FOXP1: variants seen among roughly 807,000 people sequenced by gnomAD.
The protein encoded by FOXP1 is forkhead box P1.
FOXP1 carries 15 observed loss-of-function variants against 98.2 expected under a neutral mutation model. That is an observed-to-expected ratio of 0.15 (90% CI 0.10 to 0.24). The LOEUF is 0.24. Among genes scored for constraint, FOXP1 ranks in the 10% least tolerant of loss-of-function variants. The pLI, the probability that FOXP1 is intolerant of heterozygous loss-of-function variation, is 1.00. For missense variants in FOXP1, 633 were observed against 848.5 expected (o/e 0.75, Z 3.15); for synonymous variants, 371 against 314.5 (o/e 1.18, Z -1.90).
chr3:71,101,105 C>T (rs544838577), intron 7 of FOXP1, among the ~76,000 whole-genome samples: 16 of 152,164 alleles, frequency 1.1e-4, no homozygotes, highest in East Asian at 1.9e-4. Context: ...GAAAAAGGAA[C>T]GGACAGAAAA....
intron 5 of FOXP1, among the ~76,000 whole-genome samples, chr3:71,260,323 G>A (rs1043400259): frequency 6.6e-6 from 1 of 152,126 alleles, no homozygotes; most frequent in Non-Finnish European, 1.5e-5. Context: ...GGCGCGGGGG[G>A]AGAAATGCAG....
At chr3:71,282,291 G>C (rs1030803620) in intron 5 of FOXP1, among the ~76,000 whole-genome samples, 2 of 151,458 alleles carry the variant, frequency 1.3e-5, no homozygotes, top group African/African-American at 4.9e-5. Flanking sequence ...TTCTATTTTG[G>C]GCCAAAAGAC....
chr3:71,053,488 G>A, intron 8 of FOXP1, 148 bp downstream of exon 8: 1 of 870,836 alleles, frequency 1.1e-6, no homozygotes. Flanking sequence ...CGATTATTCA[G>A]GGAGTGGTCT....
intron 6 of FOXP1, among the ~76,000 whole-genome samples, chr3:71,177,536 G>A (rs148589974): frequency 6.6e-6 from 1 of 152,320 alleles, no homozygotes; most frequent in Non-Finnish European, 1.5e-5. Flanking sequence ...AGATGCTTGA[G>A]AGCTCTGATG....
At chr3:71,548,672 T>C (rs879257092) in intron 2 of FOXP1, among the ~76,000 whole-genome samples, 5 of 152,198 alleles carry the variant, frequency 3.3e-5, no homozygotes, top group Non-Finnish European at 7.3e-5. Flanking sequence ...GTGCTGAGAT[T>C]ACAGGTGTGA....
intron 4 of FOXP1, among the ~76,000 whole-genome samples, chr3:71,350,670 A>G (rs1019067454): frequency 6.6e-6 from 1 of 152,238 alleles, no homozygotes; most frequent in Admixed American, 6.5e-5. Flanking sequence ...AGCATTAGGC[A>G]GACAACTTTC....
At chr3:71,252,299 C>T (rs1045583902) in intron 5 of FOXP1, among the ~76,000 whole-genome samples, 13 of 152,144 alleles carry the variant, frequency 8.5e-5, no homozygotes, top group African/African-American at 3.1e-4. Context: ...GATGCCAAAC[C>T]AATCCTGGCA....
At chr3:71,106,017 G>A (rs2107697898) in intron 7 of FOXP1, among the ~76,000 whole-genome samples, 1 of 152,218 alleles carries the variant, frequency 6.6e-6, no homozygotes, top group South Asian at 2.1e-4. Context: ...CCTCTTGACG[G>A]CACACTGGTT....
intron 4 of FOXP1, among the ~76,000 whole-genome samples, chr3:71,348,669 G>A (rs2077571816): frequency 6.6e-6 from 1 of 151,884 alleles, no homozygotes; most frequent in African/African-American, 2.4e-5. Flanking sequence ...GTCGAGCAGA[G>A]GAGGGAGTAA....
intron 4 of FOXP1, among the ~76,000 whole-genome samples, chr3:71,336,220 A>T (rs1267334414): frequency 2.6e-5 from 4 of 151,680 alleles, no homozygotes; most frequent in African/African-American, 9.7e-5. Context: ...ATCTACTAAC[A>T]TGTTTAAATT....
rs567619206 is a variant in FOXP1 at position 71,135,154 on chromosome 3, G to C, written c.181-22517C>G. ...CGTGCCTGTTGTCCCAGCTGCTCGG[G>C]AGGCTAAGGCAGGAGAATTGCTTGA... On this transcript the variant is annotated intron_variant, in intron 6 of 20. Transcript: ENST00000649528. Among the ~76,000 whole-genome samples the C allele has an allele frequency of 4.7e-4, 71 of 151,040 alleles. No homozygotes were observed. The East Asian group carries it at 7.4e-3, about 16-fold the overall frequency.
chr3:71,293,370 G>A (rs985215918), intron 5 of FOXP1, among the ~76,000 whole-genome samples: 25 of 152,012 alleles, frequency 1.6e-4, no homozygotes, highest in African/African-American at 6.0e-4. Flanking sequence ...AGGAGGCTGA[G>A]GCAGGAAGAT....
intron 14 of FOXP1, among the ~76,000 whole-genome samples, chr3:70,980,853 A>G (rs565334862): frequency 6.6e-6 from 1 of 152,306 alleles, no homozygotes; most frequent in African/African-American, 2.4e-5. Context: ...AGTAACCACA[A>G]AGCAGTTCTG....
At chr3:71,384,238 A>C (rs990366109) in intron 3 of FOXP1, among the ~76,000 whole-genome samples, 5 of 152,050 alleles carry the variant, frequency 3.3e-5, no homozygotes, top group African/African-American at 9.7e-5. Context: ...ACAAACAAAC[A>C]AACAAACCAA....
At chr3:71,054,822 G>C (rs1210736531) in intron 7 of FOXP1, among the ~76,000 whole-genome samples, 1 of 152,020 alleles carries the variant, frequency 6.6e-6, no homozygotes, top group Non-Finnish European at 1.5e-5. Flanking sequence ...TAATATTTAA[G>C]CATCTTACTT....
At chr3:71,083,391 C>A (rs1489341979) in intron 7 of FOXP1, among the ~76,000 whole-genome samples, 1 of 152,158 alleles carries the variant, frequency 6.6e-6, no homozygotes, top group Non-Finnish European at 1.5e-5. Context: ...GAACCATGAG[C>A]CAAATAAACC....
At chr3:71,361,464 T>A (rs899115772) in intron 3 of FOXP1, among the ~76,000 whole-genome samples, 10 of 152,192 alleles carry the variant, frequency 6.6e-5, no homozygotes, top group Admixed American at 6.5e-4. Flanking sequence ...CCCTTTATTA[T>A]CTACTTGTAA....
At chr3:71,022,047 G>A (rs796846367) in intron 11 of FOXP1, among the ~76,000 whole-genome samples, 7 of 152,262 alleles carry the variant, frequency 4.6e-5, no homozygotes, top group African/African-American at 1.7e-4. Context: ...AGGTAACAAA[G>A]AGTTACTTCT....
At chr3:71,130,368 G>T in intron 6 of FOXP1, 2 of 846,190 alleles carry the variant, frequency 2.4e-6, no homozygotes, top group Non-Finnish European at 3.7e-6. Context: ...GAGGGAAGGG[G>T]GAGGAAAAAA....
Sources: allele counts gnomAD v4.1 joint callset (sites outside exome capture counted in the v4.1 genomes callset), GRCh38; gene constraint gnomAD v4.1.1; transcripts MANE v1.5; gene names NCBI Gene and HGNC (gene_info 2026-07-23, HGNC 2026-07-21).